CSMD1: variants seen among roughly 807,000 people sequenced by gnomAD.
The protein encoded by CSMD1 is CUB and sushi domain-containing protein 1.
In CSMD1, 213 loss-of-function variants were observed where a neutral mutation model predicts 417.5. The ratio of observed to expected loss-of-function variants is 0.51; its 90% CI spans 0.46 to 0.57. CSMD1 has a LOEUF of 0.57. Ranked by LOEUF, CSMD1 falls within the 20% of genes least tolerant of loss-of-function variation. The pLI, the probability that CSMD1 is intolerant of heterozygous loss-of-function variation, is 0.00. For missense variants in CSMD1, 6,923 were observed against 4,529.7 expected (o/e 1.53, Z -15.17); for synonymous variants, 2,862 against 1,736.8 (o/e 1.65, Z -16.11).
At chr8:4,455,865 G>C (rs181925994) in intron 2 of CSMD1, among the ~76,000 whole-genome samples, 27 of 127,320 alleles carry the variant, frequency 2.1e-4, no homozygotes, top group African/African-American at 7.6e-4. Flanking sequence ...TGGGAGACAG[G>C]TTGCAGTGAG....
chr8:3,456,084 C>T (rs530361336), intron 12 of CSMD1, among the ~76,000 whole-genome samples: 9 of 152,294 alleles, frequency 5.9e-5, no homozygotes, highest in African/African-American at 1.4e-4. Flanking sequence ...ATGAGCAAGC[C>T]TTCATGGGCG....
chr8:4,248,193 G>T (rs1440583180), intron 3 of CSMD1, among the ~76,000 whole-genome samples: 1 of 152,080 alleles, frequency 6.6e-6, no homozygotes, highest in African/African-American at 2.4e-5. Flanking sequence ...GAAATTTCAT[G>T]ACATGACATG....
chr8:4,265,038 G>T (rs747449883), intron 3 of CSMD1, among the ~76,000 whole-genome samples: 2 of 152,128 alleles, frequency 1.3e-5, no homozygotes, highest in Non-Finnish European at 2.9e-5. Context: ...TAATGTTGCT[G>T]AGGTCAGATT....
chr8:4,714,579 G>C (rs1272061268), intron 1 of CSMD1, among the ~76,000 whole-genome samples: 1 of 152,132 alleles, frequency 6.6e-6, no homozygotes. Flanking sequence ...CAAGTTCATA[G>C]GGTTATTGAA....
intron 5 of CSMD1, among the ~76,000 whole-genome samples, chr8:3,985,564 A>T (rs1814259441): frequency 6.6e-6 from 1 of 152,142 alleles, no homozygotes; most frequent in South Asian, 2.1e-4. Flanking sequence ...TCTACTATGG[A>T]ATAATAACAG....
chr8:3,306,708 T>A (rs1804881204), intron 25 of CSMD1, among the ~76,000 whole-genome samples: 1 of 152,202 alleles, frequency 6.6e-6, no homozygotes, highest in Admixed American at 6.5e-5. Flanking sequence ...AAGGATTGGT[T>A]AGGACTGTGT....
At position 3,517,717 on chromosome 8, in the gene CSMD1, T is replaced by C. The variant is rs137910503; in HGVS notation, c.1345-23991A>G. On this transcript the variant is annotated intron_variant, in intron 10 of 69. Transcript: ENST00000635120. ...AAACGAATTCAGTCACATTTTTTGATAGTATAACTCATAGGGCTGAGAGAT... is the reference window on the plus strand; with the variant it reads ...AAACGAATTCAGTCACATTTTTTGACAGTATAACTCATAGGGCTGAGAGAT... 1.9e-3 allele frequency among the ~76,000 whole-genome samples: 282 copies of C among 152,320 alleles called. 7 individuals carry two copies. The East Asian group carries it at 0.039, about 21-fold the overall frequency.
chr8:3,140,513 C>G (rs867386485), intron 41 of CSMD1, among the ~76,000 whole-genome samples: 1 of 152,120 alleles, frequency 6.6e-6, no homozygotes, highest in African/African-American at 2.4e-5. Context: ...GGTTTAGTCT[C>G]CAGTTTCCTC....
At chr8:2,990,291 G>T (rs1806264226) in intron 54 of CSMD1, among the ~76,000 whole-genome samples, 1 of 152,178 alleles carries the variant, frequency 6.6e-6, no homozygotes, top group African/African-American at 2.4e-5. Flanking sequence ...CGGATTTCAT[G>T]TATTCCTCTG....
At chr8:3,993,278 T>C (rs577499471) in intron 5 of CSMD1, among the ~76,000 whole-genome samples, 1 of 152,234 alleles carries the variant, frequency 6.6e-6, no homozygotes, top group Admixed American at 6.5e-5. Context: ...ACATGATGCC[T>C]CCTTCCTTTA....
At chr8:4,581,053 G>A (rs1378811913) in intron 2 of CSMD1, among the ~76,000 whole-genome samples, 2 of 152,132 alleles carry the variant, frequency 1.3e-5, no homozygotes, top group East Asian at 3.9e-4. Context: ...AGCAAAGACT[G>A]CATATGAAAC....
chr8:3,238,998 G>A (rs886670300), intron 26 of CSMD1, among the ~76,000 whole-genome samples: 1 of 152,136 alleles, frequency 6.6e-6, no homozygotes, highest in Non-Finnish European at 1.5e-5. Flanking sequence ...GTCAAAGTTG[G>A]TGTGGTGTCT....
chr8:4,418,026 A>AT (rs1459978904), intron 3 of CSMD1, among the ~76,000 whole-genome samples: 2 of 152,020 alleles, frequency 1.3e-5, no homozygotes, highest in African/African-American at 2.4e-5. Context: ...ACGCACACTC[A>AT]TTTTTGCAGG....
chr8:3,953,244 G>A (rs551311708), intron 5 of CSMD1, among the ~76,000 whole-genome samples: 3 of 152,064 alleles, frequency 2.0e-5, no homozygotes, highest in Non-Finnish European at 4.4e-5. Context: ...AACTGATATA[G>A]GAGTTAAGGA....
intron 6 of CSMD1, among the ~76,000 whole-genome samples, chr8:3,716,930 C>G (rs1031573891): frequency 2.6e-5 from 4 of 152,008 alleles, no homozygotes; most frequent in Non-Finnish European, 5.9e-5. Flanking sequence ...CTATTTAATT[C>G]CACCAAAATG....
At chr8:3,382,785 G>A (rs1810720080) in intron 18 of CSMD1, among the ~76,000 whole-genome samples, 1 of 151,384 alleles carries the variant, frequency 6.6e-6, no homozygotes, top group South Asian at 2.1e-4. Flanking sequence ...ACTATTTTTG[G>A]TTGTCTGACC....
At chr8:3,681,830 T>C (rs1799679230) in intron 7 of CSMD1, among the ~76,000 whole-genome samples, 1 of 152,166 alleles carries the variant, frequency 6.6e-6, no homozygotes, top group Non-Finnish European at 1.5e-5. Context: ...ATGGTACTGG[T>C]ACCAAAACAG....
At chr8:3,999,918 T>C (rs1309996057) in intron 4 of CSMD1, among the ~76,000 whole-genome samples, 2 of 152,226 alleles carry the variant, frequency 1.3e-5, no homozygotes, top group Admixed American at 6.5e-5. Flanking sequence ...ACTCATTTTT[T>C]AGATCCCAAA....
At chr8:3,944,235 T>A (rs1009750085) in intron 5 of CSMD1, among the ~76,000 whole-genome samples, 12 of 152,154 alleles carry the variant, frequency 7.9e-5, no homozygotes, top group African/African-American at 2.7e-4. Flanking sequence ...CTCAGGCTGG[T>A]GTTTTTAAAA....
Sources: allele counts gnomAD v4.1 joint callset (sites outside exome capture counted in the v4.1 genomes callset), GRCh38; gene constraint gnomAD v4.1.1; transcripts MANE v1.5; gene names NCBI Gene and HGNC (gene_info 2026-07-23, HGNC 2026-07-21).